CCSER1: variants seen among roughly 807,000 people sequenced by gnomAD.
The protein encoded by CCSER1 is coiled-coil serine rich protein 1.
A neutral mutation model predicts 82.0 loss-of-function variants in CCSER1; 41 were observed. The ratio of observed to expected loss-of-function variants is 0.50; its 90% CI spans 0.39 to 0.65. The LOEUF is 0.65. Among genes scored for constraint, CCSER1 ranks in the 30% least tolerant of loss-of-function variants. The probability of loss-of-function intolerance (pLI) is 0.00; values close to 1 mark genes in which losing one functional copy is unlikely to be tolerated. For synonymous variants in CCSER1, 414 were observed against 383.9 expected (o/e 1.08, Z -0.92); for missense variants, 1,119 against 1,064.2 (o/e 1.05, Z -0.72).
At position 90,924,444 on chromosome 4, in the gene CCSER1, C is replaced by T. The variant is rs966808926; in HGVS notation, c.2172+997C>T. ...AAATTGTTTTCAAGTGTTTATATAC[C>T]TTATTTTCTTAATTAAAAACAACAC... On this transcript the variant is annotated intron_variant, in intron 9 of 10. Coordinates refer to ENST00000509176, the MANE Select transcript of CCSER1 (RefSeq NM_001145065.2). 3.3e-5 allele frequency among the ~76,000 whole-genome samples: 5 copies of T among 151,706 alleles called. No individual in the cohort carries two copies. The East Asian group carries it at 9.7e-4, about 29-fold the overall frequency.
chr4:91,578,920 T>TCATC (rs1240121293), intron 10 of CCSER1, among the ~76,000 whole-genome samples: 1 of 151,862 alleles, frequency 6.6e-6, no homozygotes. Flanking sequence ...ATTTGTCTAT[T>TCATC]CATCCATCCA....
At chr4:91,566,759 T>C (rs944957818) in intron 10 of CCSER1, among the ~76,000 whole-genome samples, 5 of 152,256 alleles carry the variant, frequency 3.3e-5, no homozygotes, top group African/African-American at 1.2e-4. Flanking sequence ...TCTAATTGTG[T>C]TTATTTGGAT....
intron 9 of CCSER1, among the ~76,000 whole-genome samples, chr4:90,937,308 A>G (rs1005784888): frequency 2.6e-5 from 4 of 152,284 alleles, no homozygotes; most frequent in African/African-American, 9.6e-5. Flanking sequence ...GGAAAATCAT[A>G]CTACCAAGAA....
At chr4:90,325,935 T>A (rs1738098251) in intron 3 of CCSER1, among the ~76,000 whole-genome samples, 1 of 152,140 alleles carries the variant, frequency 6.6e-6, no homozygotes, top group Admixed American at 6.5e-5. Context: ...TTTTAAGTAA[T>A]TTTAAAATTG....
intron 8 of CCSER1, among the ~76,000 whole-genome samples, chr4:90,831,423 A>G (rs1729695241): frequency 2.0e-5 from 3 of 152,124 alleles, no homozygotes; most frequent in South Asian, 2.1e-4. Flanking sequence ...ATGAGCATTT[A>G]TATATTTTTT....
At position 90,388,771 on chromosome 4, in the gene CCSER1, G is replaced by A. The variant is rs553731687; in HGVS notation, c.1510-11265G>A. On this transcript the variant is annotated intron_variant, in intron 3 of 10. Transcript: ENST00000509176. Reference sequence around the variant, plus strand: ...CTGTCTCAGCCTCCAAAGTAGCTGGGATTACAGGTGCCTGCCACCACATTT... The same window carrying A: ...CTGTCTCAGCCTCCAAAGTAGCTGGAATTACAGGTGCCTGCCACCACATTT... Among the ~76,000 whole-genome samples, 390 of 151,184 alleles carry A rather than the reference G, an allele frequency of 2.6e-3. 3 individuals are homozygous for A. Among genetic ancestry groups the A allele is most frequent in the Non-Finnish European group, 3.9e-3 (267 of 67,756 alleles).
At chr4:90,247,296 A>G (rs1315699004) in intron 1 of CCSER1, among the ~76,000 whole-genome samples, 1 of 152,182 alleles carries the variant, frequency 6.6e-6, no homozygotes, top group African/African-American at 2.4e-5. Flanking sequence ...TCTTTATCAA[A>G]TTCTTATCTC....
At chr4:90,206,077 T>C (rs1425308609) in intron 1 of CCSER1, among the ~76,000 whole-genome samples, 1 of 138,616 alleles carries the variant, frequency 7.2e-6, no homozygotes, top group Non-Finnish European at 1.5e-5. Context: ...GTCTATTTGA[T>C]TCTTCTCTCT....
At chr4:91,105,819 G>T (rs1053842263) in intron 10 of CCSER1, among the ~76,000 whole-genome samples, 2 of 152,096 alleles carry the variant, frequency 1.3e-5, no homozygotes, top group Non-Finnish European at 2.9e-5. Context: ...TCCTCAAAGG[G>T]AGGCTCAAGC....
chr4:90,387,481 G>A (rs1189867013), intron 3 of CCSER1, among the ~76,000 whole-genome samples: 2 of 152,184 alleles, frequency 1.3e-5, no homozygotes, highest in Admixed American at 6.6e-5. Flanking sequence ...CCTGATAGGA[G>A]TGTCTTTGTT....
intron 10 of CCSER1, among the ~76,000 whole-genome samples, chr4:91,535,245 TATTG>T (rs1409791610): frequency 6.6e-6 from 1 of 152,046 alleles, no homozygotes; most frequent in Non-Finnish European, 1.5e-5. Flanking sequence ...AAGCTCTGAA[TATTG>T]ATTTAGCCAA....
chr4:90,378,961 C>G (rs956173853), intron 3 of CCSER1, among the ~76,000 whole-genome samples: 3 of 152,114 alleles, frequency 2.0e-5, no homozygotes, highest in African/African-American at 7.2e-5. Flanking sequence ...ACACATCTAC[C>G]TAGTCTCTTC....
intron 6 of CCSER1, among the ~76,000 whole-genome samples, chr4:90,672,584 A>G: frequency 6.6e-6 from 1 of 151,956 alleles, no homozygotes; most frequent in East Asian, 1.9e-4. Flanking sequence ...TGCATTCACT[A>G]GAGTAGTACT....
intron 4 of CCSER1, among the ~76,000 whole-genome samples, chr4:90,439,823 G>A (rs1333225584): frequency 6.6e-6 from 1 of 152,130 alleles, no homozygotes; most frequent in Non-Finnish European, 1.5e-5. Flanking sequence ...TTCTTTCAGA[G>A]TCCAGATGTT....
chr4:91,466,076 C>A (rs921948360), intron 10 of CCSER1, among the ~76,000 whole-genome samples: 1 of 152,070 alleles, frequency 6.6e-6, no homozygotes, highest in Non-Finnish European at 1.5e-5. Context: ...ACCAATATCC[C>A]TGATGAACAT....
intron 8 of CCSER1, among the ~76,000 whole-genome samples, chr4:90,899,201 AT>A (rs1187456085): frequency 1.3e-5 from 2 of 151,966 alleles, no homozygotes; most frequent in Middle Eastern, 3.4e-3. Context: ...ATTTTATTTT[AT>A]TTTTTGTGGC....
chr4:90,685,513 T>C (rs1734664989), intron 6 of CCSER1, among the ~76,000 whole-genome samples: 1 of 152,118 alleles, frequency 6.6e-6, no homozygotes, highest in South Asian at 2.1e-4. Context: ...CACACATTCT[T>C]TCCACCCATA....
At chr4:91,288,746 C>T (rs895874310) in intron 10 of CCSER1, among the ~76,000 whole-genome samples, 1 of 151,962 alleles carries the variant, frequency 6.6e-6, no homozygotes, top group Non-Finnish European at 1.5e-5. Context: ...TGGTGAAAAT[C>T]CATTGCAGCT....
chr4:91,146,173 C>G (rs1328264672), intron 10 of CCSER1, among the ~76,000 whole-genome samples: 2 of 152,172 alleles, frequency 1.3e-5, no homozygotes, highest in African/African-American at 2.4e-5. Flanking sequence ...AAGAACTGGT[C>G]TTTGAGTTCT....
Sources: allele counts gnomAD v4.1 joint callset (sites outside exome capture counted in the v4.1 genomes callset), GRCh38; gene constraint gnomAD v4.1.1; transcripts MANE v1.5; gene names NCBI Gene and HGNC (gene_info 2026-07-23, HGNC 2026-07-21).